The following FSTL4 variants were observed in gnomAD, a reference collection of about 807,000 sequenced individuals.
FSTL4 encodes the protein follistatin-related protein 4.
A neutral mutation model predicts 78.2 loss-of-function variants in FSTL4; 28 were observed. The observed-to-expected ratio is 0.36, with a 90% CI of 0.27 to 0.49. FSTL4 has a LOEUF of 0.49. Ranked by LOEUF, FSTL4 falls within the 20% of genes least tolerant of loss-of-function variation. The pLI is 0.98. For synonymous variants in FSTL4, 422 were observed against 440.5 expected (o/e 0.96, Z 0.53); for missense variants, 922 against 1,084.9 (o/e 0.85, Z 2.11).
chr5:133,300,046 C>A (rs1029493224), intron 6 of FSTL4, among the ~76,000 whole-genome samples: 5 of 152,188 alleles, frequency 3.3e-5, no homozygotes, highest in African/African-American at 1.2e-4. Flanking sequence ...ACTCAGAAGC[C>A]CTTAGCTTTA....
the FSTL4 span, among the ~76,000 whole-genome samples, chr5:133,777,153 G>A: frequency 6.6e-6 from 1 of 152,064 alleles, no homozygotes; most frequent in Non-Finnish European, 1.5e-5. Flanking sequence ...CTTTTAAAAT[G>A]AGAAGGAAAA....
At chr5:133,328,850 G>A (rs1315360646) in intron 4 of FSTL4, among the ~76,000 whole-genome samples, 1 of 152,164 alleles carries the variant, frequency 6.6e-6, no homozygotes, top group African/African-American at 2.4e-5. Flanking sequence ...AGACTTCCTT[G>A]GGAGGCTGCA....
intron 4 of FSTL4, among the ~76,000 whole-genome samples, chr5:133,324,231 G>T (rs2126900801): frequency 6.6e-6 from 1 of 152,324 alleles, no homozygotes; most frequent in East Asian, 1.9e-4. Context: ...GCGTGGGTGG[G>T]GCTGGGAGAC....
At chr5:133,233,598 G>A in intron 7 of FSTL4, 61 bp from the exon 8 acceptor site, 1 of 1,586,282 alleles carries the variant, frequency 6.3e-7, no homozygotes, top group Non-Finnish European at 8.6e-7. Context: ...GGAAACCATA[G>A]CTGTCTCCTG....
intron 3 of FSTL4, among the ~76,000 whole-genome samples, chr5:133,473,617 T>C (rs1162101785): frequency 6.6e-6 from 1 of 152,218 alleles, no homozygotes; most frequent in Non-Finnish European, 1.5e-5. Flanking sequence ...TTGGAATCTC[T>C]AAGAAAGGTG....
the FSTL4 span, among the ~76,000 whole-genome samples, chr5:133,775,581 T>C: frequency 1.3e-5 from 2 of 152,282 alleles, no homozygotes; most frequent in Admixed American, 1.3e-4. Flanking sequence ...AAATTGGAAG[T>C]ACATAGCGGA....
At chr5:133,537,174 TAC>T (rs1051328120) in intron 3 of FSTL4, among the ~76,000 whole-genome samples, 11 of 152,330 alleles carry the variant, frequency 7.2e-5, no homozygotes, top group African/African-American at 2.4e-4. Flanking sequence ...CTTGTCAAAT[TAC>T]ACACACTCAT....
intron 3 of FSTL4, among the ~76,000 whole-genome samples, chr5:133,408,420 C>A (rs1756409349): frequency 6.6e-6 from 1 of 152,142 alleles, no homozygotes; most frequent in Admixed American, 6.5e-5. Flanking sequence ...AGGCTCCAAG[C>A]CACTTAACTG....
Position 133,603,869 on chromosome 5 carries a change from A to G in FSTL4, c.115T>C (p.Ser39Pro), listed in dbSNP as rs1388953963. The G allele has an allele frequency of 1.9e-6, 3 of 1,613,616 alleles. No homozygotes were observed. In the East Asian group the frequency reaches 6.7e-5, roughly 36 times the overall value. Residue 39 changes from serine to proline, a missense_variant, in exon 2 of 16, where the codon TCA becomes CCA. Transcript: ENST00000265342. ...SRGPDVGVGE[S>P]QAEEPRSFEV... is the part of the protein sequence containing the mutation. ...GGATTTGACTATACCTCTGCCTGTG[A>G]CTCCCCCACACCCACATCCGGGCCT...
chr5:133,599,760 C>A (rs1760816807), intron 2 of FSTL4, among the ~76,000 whole-genome samples: 1 of 151,746 alleles, frequency 6.6e-6, no homozygotes. Context: ...CACCATAGCA[C>A]CCAGGCCCCA....
intron 3 of FSTL4, among the ~76,000 whole-genome samples, chr5:133,532,780 C>A (rs1032053927): frequency 6.6e-5 from 10 of 152,172 alleles, no homozygotes; most frequent in African/African-American, 2.4e-4. Context: ...GCCATCCTGG[C>A]TCAGAAAGGC....
intron 6 of FSTL4, chr5:133,270,080 A>T (rs1237933611): frequency 6.6e-6 from 1 of 152,162 alleles, no homozygotes; most frequent in East Asian, 1.9e-4. Flanking sequence ...TATCTCCATA[A>T]TCAAACCTGG....
the FSTL4 span, among the ~76,000 whole-genome samples, chr5:133,721,111 G>C: frequency 6.6e-6 from 1 of 152,046 alleles, no homozygotes; most frequent in Admixed American, 6.5e-5. Context: ...GTGTTTGTTA[G>C]CCACTCACAT....
chr5:133,558,360 TGAG>T (rs571196286), intron 3 of FSTL4, among the ~76,000 whole-genome samples: 89 of 152,296 alleles, frequency 5.8e-4, no homozygotes, highest in African/African-American at 2.1e-3. Context: ...AGAATGGAGC[TGAG>T]AAGCTGGAGC....
intron 3 of FSTL4, among the ~76,000 whole-genome samples, chr5:133,541,731 G>GC (rs1759476863): frequency 6.6e-6 from 1 of 152,086 alleles, no homozygotes; most frequent in African/African-American, 2.4e-5. Context: ...TCCCCATGAT[G>GC]TTTTGAGCGC....
At chr5:133,711,839 TG>T in the FSTL4 span, among the ~76,000 whole-genome samples, 3 of 152,108 alleles carry the variant, frequency 2.0e-5, no homozygotes, top group African/African-American at 7.2e-5. Context: ...GAAGAACCCT[TG>T]GGCTTAGAGG....
At chr5:133,279,385 A>G (rs943810913) in intron 6 of FSTL4, among the ~76,000 whole-genome samples, 4 of 152,204 alleles carry the variant, frequency 2.6e-5, no homozygotes, top group Non-Finnish European at 5.9e-5. Context: ...TTTGTCCGAA[A>G]CCATCTCTGT....
chr5:133,466,372 C>T (rs1003509376), intron 3 of FSTL4, among the ~76,000 whole-genome samples: 10 of 152,134 alleles, frequency 6.6e-5, no homozygotes, highest in Non-Finnish European at 1.2e-4. Flanking sequence ...GAAACCCCGT[C>T]TCTACTAAAA....
At chr5:133,451,176 C>T (rs945425714) in intron 3 of FSTL4, among the ~76,000 whole-genome samples, 16 of 152,218 alleles carry the variant, frequency 1.1e-4, no homozygotes, top group African/African-American at 3.9e-4. Flanking sequence ...GGTCTGCACA[C>T]ATTGATTTGT....
Sources: allele counts gnomAD v4.1 joint callset (sites outside exome capture counted in the v4.1 genomes callset), GRCh38; gene constraint gnomAD v4.1.1; transcripts MANE v1.5; gene names NCBI Gene and HGNC (gene_info 2026-07-23, HGNC 2026-07-21).